RICTOR: variants seen among roughly 807,000 people sequenced by gnomAD.
The protein encoded by RICTOR is RPTOR independent companion of MTOR complex 2.
RICTOR carries 49 observed loss-of-function variants against 214.9 expected under a neutral mutation model. That is an observed-to-expected ratio of 0.23 (90% CI 0.18 to 0.29). The LOEUF (loss-of-function observed/expected upper bound fraction) is 0.29, where lower values mean the gene tolerates loss of function less well. Among genes scored for constraint, RICTOR ranks in the 10% least tolerant of loss-of-function variants. The pLI is 1.00. For synonymous variants in RICTOR, 717 were observed against 711.3 expected (o/e 1.01, Z -0.13); for missense variants, 1,625 against 2,047.0 (o/e 0.79, Z 3.98).
chr5:38,994,641 C>T (rs1271202425), intron 6 of RICTOR, among the ~76,000 whole-genome samples: 1 of 152,062 alleles, frequency 6.6e-6, no homozygotes, highest in Non-Finnish European at 1.5e-5. Context: ...TTCTAGGATT[C>T]ACAAATGGTA....
chr5:38,988,275 T>C (rs1277032151), intron 7 of RICTOR, among the ~76,000 whole-genome samples: 1 of 152,196 alleles, frequency 6.6e-6, no homozygotes, highest in Non-Finnish European at 1.5e-5. Context: ...CTCGTCGATC[T>C]AATATTGACA....
intron 3 of RICTOR, among the ~76,000 whole-genome samples, chr5:39,011,471 G>T (rs552158411): frequency 3.3e-5 from 5 of 152,326 alleles, no homozygotes; most frequent in Non-Finnish European, 7.4e-5. Context: ...GCTGTGAGAA[G>T]AGGGCCACTA....
intron 2 of RICTOR, among the ~76,000 whole-genome samples, chr5:39,041,276 A>G (rs1349517451): frequency 6.6e-6 from 1 of 152,366 alleles, no homozygotes; most frequent in East Asian, 1.9e-4. Context: ...ACTTTTCTCA[A>G]TGAACTCAAG....
chr5:39,049,058 C>A (rs1757678030), intron 2 of RICTOR, among the ~76,000 whole-genome samples: 1 of 152,110 alleles, frequency 6.6e-6, no homozygotes, highest in African/African-American at 2.4e-5. Flanking sequence ...TGTACTCTTG[C>A]ATGGTTAAGG....
At chr5:39,062,058 T>C (rs376707338) in intron 2 of RICTOR, among the ~76,000 whole-genome samples, 9 of 152,094 alleles carry the variant, frequency 5.9e-5, no homozygotes, top group African/African-American at 2.4e-5. Context: ...TGAAATCTTA[T>C]ATGACATAAG....
At chr5:39,074,217 C>T (rs1011654862) in intron 1 of RICTOR, 59 bp from the exon 2 acceptor site, 5 of 1,576,656 alleles carry the variant, frequency 3.2e-6, no homozygotes, top group South Asian at 1.1e-5. Context: ...GCTGCGGCTG[C>T]CCTGGCTCCG....
intron 2 of RICTOR, among the ~76,000 whole-genome samples, chr5:39,035,228 C>T (rs551676182): frequency 6.6e-5 from 10 of 152,298 alleles, no homozygotes; most frequent in East Asian, 1.9e-4. Flanking sequence ...GAGTGGACCT[C>T]GGGCGAACTC....
chr5:38,991,243 T>C (rs985420589), intron 6 of RICTOR, among the ~76,000 whole-genome samples, 168 bp from the exon 7 acceptor site: 8 of 152,172 alleles, frequency 5.3e-5, no homozygotes, highest in Non-Finnish European at 8.8e-5. Context: ...TAACTAATAA[T>C]TGATGTAACA....
Position 39,049,590 on chromosome 5 carries a change from CT to C in RICTOR, c.97+24520del, listed in dbSNP as rs368483537. On this transcript the variant is annotated intron_variant, in intron 2 of 37. Transcript: ENST00000357387. ...CAAGCCATAATTTGCAAACCTCTGG[CT>C]TAAGGGAAAAAAAGAAGTAAAAAGA... 5.0e-5 allele frequency among the ~76,000 whole-genome samples: 7 copies of C among 140,124 alleles called. No homozygotes were observed. The East Asian group carries it at 1.1e-3, about 22-fold the overall frequency. 91.9% of individuals were successfully genotyped at this position (140,124 alleles called of 152,430 possible).
Position 38,954,791 on chromosome 5 carries a change from G to A in RICTOR, c.2680C>T (p.His894Tyr). Residue 894 changes from histidine (H) to tyrosine (Y), a missense_variant, in exon 27 of 38, where the codon CAT becomes TAT. Physicochemically the swap from His to Tyr is moderately conservative, Grantham distance 83. Transcript: ENST00000357387. ...GQLVHHKTGC[H>Y]LLEVQNIITE... Reference sequence around the variant, plus strand: ...GTTTTTACCTGTACTTCCAACAAATGGCAGCCTGTTTTATGGTGTACTAGT... The same window carrying A: ...GTTTTTACCTGTACTTCCAACAAATAGCAGCCTGTTTTATGGTGTACTAGT... 6.3e-7 allele frequency: 1 copy of A among 1,596,366 alleles called. No individual in the cohort carries two copies. The highest frequency in any genetic ancestry group is 8.6e-7 in the Non-Finnish European group (1 of 1,165,264).
intron 2 of RICTOR, among the ~76,000 whole-genome samples, chr5:39,072,593 G>A (rs756417426): frequency 2.6e-5 from 4 of 152,116 alleles, no homozygotes; most frequent in African/African-American, 9.7e-5. Context: ...TTACAGACCT[G>A]AAATTGTAGA....
rs2112855077 is a variant in RICTOR at position 38,950,368 on chromosome 5, C to G, written c.3480G>C (p.Glu1160Asp). The change falls in exon 31 of 38, where the codon GAG becomes GAC. Residue 1160 changes from glutamate to aspartate, a missense_variant. Coordinates refer to ENST00000357387, the MANE Select transcript of RICTOR (RefSeq NM_152756.5). ...TGTGCTTATTCCCCATAAATGAAGTCTCTAATTGTAATGTTTTCTGTACAG... is the reference window on the plus strand; with the variant it reads ...TGTGCTTATTCCCCATAAATGAAGTGTCTAATTGTAATGTTTTCTGTACAG... ...ISTVQKTLQLETSFMGNKHIE... is the reference protein window; with the variant it reads ...ISTVQKTLQLDTSFMGNKHIE... The G allele has an allele frequency of 6.2e-7, 1 of 1,613,292 alleles. No individual in the cohort carries two copies. Among genetic ancestry groups the G allele is most frequent in the Non-Finnish European group, 8.5e-7 (1 of 1,179,530 alleles).
chr5:38,992,896 A>C (rs1008099383), intron 6 of RICTOR, among the ~76,000 whole-genome samples: 5 of 152,220 alleles, frequency 3.3e-5, no homozygotes, highest in South Asian at 2.1e-4. Context: ...TTAGGTAATA[A>C]ATTTGTGGAA....
intron 6 of RICTOR, among the ~76,000 whole-genome samples, chr5:38,992,717 G>A (rs1037091298): frequency 2.8e-4 from 42 of 152,210 alleles, no homozygotes; most frequent in African/African-American, 9.6e-4. Flanking sequence ...GTAAATATAT[G>A]CAAAGAAACT....
intron 2 of RICTOR, among the ~76,000 whole-genome samples, chr5:39,056,090 C>T (rs1758187884): frequency 2.0e-5 from 3 of 152,124 alleles, no homozygotes; most frequent in South Asian, 2.1e-4. Flanking sequence ...GTTTGATGTA[C>T]TTGACGACAT....
rs545181631 is a variant in RICTOR at position 38,941,379 on chromosome 5, G to A, written c.*925C>T. On this transcript the variant is annotated 3_prime_UTR_variant, in exon 38 of 38. Transcript: ENST00000357387. ...TCCCCATGGAATGTGTAAATTGCAA[G>A]CAAACTTATCTTTTCCTCAGGAGAT... The A allele has an allele frequency of 4.3e-6, 1 of 231,632 alleles. No individual in the cohort carries two copies. The highest frequency in any genetic ancestry group is 1.8e-4 in the South Asian group (1 of 5,510). 14.3% of individuals were successfully genotyped at this position (231,632 alleles called of 1,614,324 possible). A position where few individuals can be genotyped will look rare whatever the true frequency, so the allele number is the denominator to read the frequency against.
intron 36 of RICTOR, chr5:38,944,204 T>C (rs2112799442): frequency 1.7e-6 from 1 of 579,904 alleles, no homozygotes; most frequent in East Asian, 3.8e-5. Context: ...TTTGCAGATC[T>C]CTTCAAAAGT....
At chr5:39,003,430 T>A (rs1401809275) in intron 4 of RICTOR, 128 bp downstream of exon 4, 22 of 573,078 alleles carry the variant, frequency 3.8e-5, no homozygotes, top group East Asian at 6.4e-5. Context: ...TTTTTTCTAA[T>A]GTTCAAGCAA....
intron 5 of RICTOR, among the ~76,000 whole-genome samples, chr5:38,998,096 A>G (rs1455293286): frequency 2.0e-5 from 3 of 152,196 alleles, no homozygotes; most frequent in Admixed American, 2.0e-4. Context: ...ATTCTGCTCA[A>G]TATCTACACT....
Sources: gnomAD v4.1 joint callset for allele counts (sites outside exome capture counted in the v4.1 genomes callset) on GRCh38, gnomAD v4.1.1 for gene constraint, MANE v1.5 for transcripts, NCBI Gene and HGNC (gene_info 2026-07-23, HGNC 2026-07-21) for gene names.